Variants in KLF12 observed in about 807,000 individuals in gnomAD.
KLF12 encodes Krueppel-like factor 12.
KLF12 carries 9 observed loss-of-function variants against 37.8 expected under a neutral mutation model. The ratio of observed to expected loss-of-function variants is 0.24; its 90% CI spans 0.14 to 0.42. KLF12 has a LOEUF of 0.42. Ranked by LOEUF, KLF12 falls within the 10% of genes least tolerant of loss-of-function variation. The pLI is 1.00. For synonymous variants in KLF12, 208 were observed against 202.1 expected (o/e 1.03, Z -0.25); for missense variants, 411 against 516.0 (o/e 0.80, Z 1.97).
At chr13:73,804,636 C>G (rs1882464254) in intron 5 of KLF12, among the ~76,000 whole-genome samples, 1 of 152,078 alleles carries the variant, frequency 6.6e-6, no homozygotes, top group African/African-American at 2.4e-5. Context: ...TACAGTCATT[C>G]ACAGTCAATC....
At chr13:73,704,758 C>T (rs1036154326) in intron 7 of KLF12, among the ~76,000 whole-genome samples, 6 of 152,090 alleles carry the variant, frequency 3.9e-5, no homozygotes, top group African/African-American at 9.7e-5. Flanking sequence ...CCTCTCTGTC[C>T]GACTCAGCAG....
intron 3 of KLF12, among the ~76,000 whole-genome samples, chr13:73,928,209 T>G (rs767156181): frequency 1.3e-5 from 2 of 152,190 alleles, no homozygotes; most frequent in African/African-American, 4.8e-5. Context: ...CCATCCACAG[T>G]TTTTACTGAA....
chr13:73,876,051 T>C (rs547303748), intron 3 of KLF12, among the ~76,000 whole-genome samples: 1 of 152,226 alleles, frequency 6.6e-6, no homozygotes, highest in African/African-American at 2.4e-5. Flanking sequence ...CATGATAAAT[T>C]ACTGCAAACA....
In KLF12 at chr13:73,798,177, C is replaced by A. The variant is rs547124460; in HGVS notation, c.806+14975G>T. ...AGAAACGAGCAATGGGGAAAAGACA[C>A]CCTATTCAATGAATGGTGCTGGGAA... On this transcript the variant is annotated intron_variant, in intron 5 of 7. Coordinates refer to ENST00000377669, the MANE Select transcript of KLF12 (RefSeq NM_007249.5). Among the ~76,000 whole-genome samples, 65 of 152,208 alleles carry A rather than the reference C, an allele frequency of 4.3e-4. No homozygotes were observed. In the South Asian group the frequency reaches 7.9e-3, roughly 18 times the overall value.
At chr13:73,981,982 T>C (rs1319012468) in intron 2 of KLF12, among the ~76,000 whole-genome samples, 1 of 152,260 alleles carries the variant, frequency 6.6e-6, no homozygotes, top group Admixed American at 6.5e-5. Flanking sequence ...TCTACTTTTT[T>C]AAGTTAGGTT....
chr13:73,813,094 C>T (rs963585081), intron 5 of KLF12, 58 bp downstream of exon 5: 1 of 1,578,550 alleles, frequency 6.3e-7, no homozygotes, highest in Non-Finnish European at 8.7e-7. Flanking sequence ...GCTGCAGTTT[C>T]CATTATCCAT....
chr13:74,121,021 A>G (rs552510333), intron 1 of KLF12, among the ~76,000 whole-genome samples: 122 of 152,314 alleles, frequency 8.0e-4, no homozygotes, highest in African/African-American at 2.3e-3. Flanking sequence ...AATTATACAA[A>G]AAGTATTTTA....
At chr13:73,734,778 A>G (rs1481244342) in intron 6 of KLF12, among the ~76,000 whole-genome samples, 1 of 152,128 alleles carries the variant, frequency 6.6e-6, no homozygotes, top group Non-Finnish European at 1.5e-5. Flanking sequence ...ATTTTCACAA[A>G]ATTATATCGA....
intron 1 of KLF12, among the ~76,000 whole-genome samples, chr13:74,117,043 T>C (rs1877348810): frequency 6.6e-6 from 1 of 152,184 alleles, no homozygotes; most frequent in Non-Finnish European, 1.5e-5. Flanking sequence ...TGTAATAATT[T>C]CAAACAGAAT....
chr13:74,163,907 AAAT>A, the KLF12 span, among the ~76,000 whole-genome samples: 1 of 31,868 alleles, frequency 3.1e-5, no homozygotes, highest in Non-Finnish European at 1.3e-4. Flanking sequence ...AAAAAAAAAG[AAAT>A]AGTGACAGAA....
chr13:73,826,328 A>T (rs1412107737), intron 4 of KLF12, among the ~76,000 whole-genome samples: 1 of 152,146 alleles, frequency 6.6e-6, no homozygotes, highest in Non-Finnish European at 1.5e-5. Context: ...AATCTTGAAA[A>T]TCATTTCTTC....
the KLF12 span, among the ~76,000 whole-genome samples, chr13:74,200,198 G>C: frequency 7.6e-3 from 1,153 of 151,870 alleles, 15 homozygotes; most frequent in African/African-American, 0.026. Context: ...TCAGGGGGGG[G>C]GTTTCCTGAG....
At chr13:74,120,985 A>G (rs2138978608) in intron 1 of KLF12, among the ~76,000 whole-genome samples, 1 of 152,322 alleles carries the variant, frequency 6.6e-6, no homozygotes, top group East Asian at 1.9e-4. Context: ...GAAAAATAGA[A>G]AACAAATAGC....
At chr13:74,189,977 G>T in the KLF12 span, among the ~76,000 whole-genome samples, 3 of 151,906 alleles carry the variant, frequency 2.0e-5, no homozygotes, top group Non-Finnish European at 4.4e-5. Context: ...AATGCAAAAC[G>T]TTATTTAACT....
chr13:74,084,894 A>G (rs1420065132), intron 1 of KLF12, among the ~76,000 whole-genome samples: 3 of 152,234 alleles, frequency 2.0e-5, no homozygotes, highest in Admixed American at 2.0e-4. Flanking sequence ...ATATCCATTA[A>G]AAAGCATATC....
intron 2 of KLF12, among the ~76,000 whole-genome samples, chr13:73,973,594 G>T (rs566749010): frequency 2.7e-5 from 4 of 150,558 alleles, no homozygotes; most frequent in Non-Finnish European, 5.9e-5. Context: ...AAATGGATAG[G>T]TCTCAACTAT....
At chr13:74,174,335 CTTTTT>C in the KLF12 span, among the ~76,000 whole-genome samples, 1 of 133,160 alleles carries the variant, frequency 7.5e-6, no homozygotes. Flanking sequence ...TCTTTCTTTT[CTTTTT>C]TTTTTTTTTT....
At chr13:73,865,742 T>C (rs1175901806) in intron 3 of KLF12, among the ~76,000 whole-genome samples, 1 of 152,112 alleles carries the variant, frequency 6.6e-6, no homozygotes, top group Non-Finnish European at 1.5e-5. Context: ...AATCATAAAA[T>C]GCTTAACAGA....
At chr13:74,246,634 A>C in the KLF12 span, among the ~76,000 whole-genome samples, 9,823 of 152,286 alleles carry the variant, frequency 0.065, 402 homozygotes, top group African/African-American at 0.12. Flanking sequence ...CTCCGACATG[A>C]ACCCGTGATG....
Sources: gnomAD v4.1 joint callset for allele counts (sites outside exome capture counted in the v4.1 genomes callset) on GRCh38, gnomAD v4.1.1 for gene constraint, MANE v1.5 for transcripts, NCBI Gene and HGNC (gene_info 2026-07-23, HGNC 2026-07-21) for gene names.